Variants in VIPR2 observed in about 807,000 individuals in gnomAD.
The protein encoded by VIPR2 is vasoactive intestinal polypeptide receptor 2.
A neutral mutation model predicts 58.0 loss-of-function variants in VIPR2; 48 were observed. The observed-to-expected ratio is 0.83, with a 90% CI of 0.66 to 1.05. The LOEUF (loss-of-function observed/expected upper bound fraction) is 1.05. Among genes scored for constraint, VIPR2 ranks in the 50% least tolerant of loss-of-function variants. The pLI is 0.00. For synonymous variants in VIPR2, 243 were observed against 235.2 expected, an observed-to-expected ratio of 1.03 and a Z score of -0.30; for missense variants, 534 against 558.0, an observed-to-expected ratio of 0.96 and a Z score of 0.43.
At position 159,035,670 on chromosome 7, in the gene VIPR2, GC is replaced by G. The variant is rs568793679; in HGVS notation, c.809+281del. 24 of 983,824 alleles carry G rather than the reference GC, an allele frequency of 2.4e-5. No homozygotes were observed. The East Asian group carries it at 2.7e-3, about 112-fold the overall frequency. 60.9% of individuals were successfully genotyped at this position (983,824 alleles called of 1,614,324 possible). A position where few individuals can be genotyped will look rare whatever the true frequency, so the allele number is the denominator to read the frequency against. On this transcript the variant is annotated intron_variant, in intron 8 of 12. Transcript: ENST00000262178. ...GGCTTTCTTCTGTGGACATCGCTGT[GC>G]CCACCGCAGGGGCTGCCCCAGTCTC...
intron 10 of VIPR2, among the ~76,000 whole-genome samples, chr7:159,032,502 G>A (rs369134048): frequency 2.6e-5 from 4 of 152,294 alleles, no homozygotes; most frequent in African/African-American, 4.8e-5. Flanking sequence ...TCCTGCTCCC[G>A]GACCTGCAGC....
At position 159,113,316 on chromosome 7, in the gene VIPR2, C is replaced by T. The variant is rs564842431; in HGVS notation, c.152-3397G>A. Among the ~76,000 whole-genome samples the T allele has an allele frequency of 2.0e-4, 31 of 152,288 alleles. No individual in the cohort carries two copies. In the East Asian group the frequency reaches 5.8e-3, roughly 28 times the overall value. ...TCTGTTCTGTTTCACTCTGACCACC[C>T]GTGCATGCAGCCCCTGTCACATACC... On this transcript the variant is annotated intron_variant, in intron 2 of 12. Transcript: ENST00000262178.
At chr7:159,101,427 G>A (rs796326301) in intron 4 of VIPR2, among the ~76,000 whole-genome samples, 7 of 135,906 alleles carry the variant, frequency 5.2e-5, no homozygotes, top group South Asian at 5.0e-4. Flanking sequence ...CACGAGATCC[G>A]ACGAGGCGGT....
chr7:159,067,207 G>A (rs781683782), intron 4 of VIPR2, among the ~76,000 whole-genome samples: 1 of 152,160 alleles, frequency 6.6e-6, no homozygotes, highest in African/African-American at 2.4e-5. Flanking sequence ...TCACCCACAC[G>A]AGCACCTTCC....
At chr7:159,063,774 T>A (rs1380557973) in intron 4 of VIPR2, among the ~76,000 whole-genome samples, 25 of 80,444 alleles carry the variant, frequency 3.1e-4, no homozygotes, top group African/African-American at 1.4e-3. Context: ...GGTCTGGGAG[T>A]CCAGGTGGGG....
rs752164033 is a variant in VIPR2, at chr7:159,058,465, A to AT, written c.455+15_455+16insA. On this transcript the variant is annotated intron_variant, in intron 5 of 12. Transcript: ENST00000262178. The stretch of plus-strand genomic sequence containing the variant: ...GTCTTGTATTCTTTGCAGAATTACT[A>AT]ATTTCTGCTCCTTACCTGAAGAGGC... 67 of 1,601,780 alleles carry AT rather than the reference A, an allele frequency of 4.2e-5. No individual in the cohort carries two copies. The African/African-American group carries it at 8.3e-4, about 20-fold the overall frequency.
At chr7:159,047,976 A>G (rs1326732465) in intron 5 of VIPR2, among the ~76,000 whole-genome samples, 1 of 152,198 alleles carries the variant, frequency 6.6e-6, no homozygotes, top group Admixed American at 6.5e-5. Context: ...AAGAAAGGAG[A>G]GCTTATTTGT....
chr7:159,122,059 C>CA (rs1796473136), intron 2 of VIPR2, among the ~76,000 whole-genome samples: 1 of 152,196 alleles, frequency 6.6e-6, no homozygotes, highest in Non-Finnish European at 1.5e-5. Context: ...GGTGATTCTC[C>CA]AGCCCCGCTT....
At chr7:159,137,554 T>A (rs960411079) in intron 2 of VIPR2, among the ~76,000 whole-genome samples, 5 of 152,080 alleles carry the variant, frequency 3.3e-5, no homozygotes, top group Non-Finnish European at 5.9e-5. Context: ...GTTAAAAAGT[T>A]TTTTTGGTGT....
intron 7 of VIPR2, 29 bp downstream of exon 7, chr7:159,036,723 G>T (rs769701404): frequency 6.3e-7 from 1 of 1,599,986 alleles, no homozygotes; most frequent in Non-Finnish European, 8.5e-7. Context: ...TGGGATGGAG[G>T]GTTTGTGGGT....
intron 4 of VIPR2, among the ~76,000 whole-genome samples, chr7:159,094,867 T>C (rs1857738853): frequency 1.3e-5 from 2 of 152,200 alleles, no homozygotes; most frequent in Non-Finnish European, 2.9e-5. Context: ...TTTATCCCAT[T>C]GAGACCTAGT....
chr7:159,112,145 A>T (rs377241492), intron 2 of VIPR2, among the ~76,000 whole-genome samples: 13 of 152,396 alleles, frequency 8.5e-5, no homozygotes, highest in Non-Finnish European at 1.2e-4. Context: ...TTCATACCAC[A>T]TCAAACAGTC....
intron 5 of VIPR2, among the ~76,000 whole-genome samples, chr7:159,058,046 C>G (rs1196973950): frequency 6.6e-6 from 1 of 152,182 alleles, no homozygotes; most frequent in Non-Finnish European, 1.5e-5. Flanking sequence ...GTACTTTGTC[C>G]AAGGTCACAC....
rs895138422 is a variant in VIPR2, at chr7:159,128,214, G to A, written c.151+14232C>T. ...CAGCTGTGCCCAGGGTCCACAGAAC[G>A]GCCGGCCATGGTGTGGAACAGCTGC... On this transcript the variant is annotated intron_variant, in intron 2 of 12. Transcript: ENST00000262178. The surrounding 1 kb of genome is among the most constrained non-coding windows in gnomAD (Gnocchi z 4.1). Among the ~76,000 whole-genome samples, 3 of 152,086 alleles carry A rather than the reference G, an allele frequency of 2.0e-5. No individual in the cohort carries two copies. The highest frequency in any genetic ancestry group is 4.4e-5 in the Non-Finnish European group (3 of 68,016).
chr7:159,141,145 T>C lies in VIPR2; in HGVS notation c.151+1301A>G, dbSNP rs149382402. 7.8e-3 allele frequency among the ~76,000 whole-genome samples: 1,192 copies of C among 152,358 alleles called. 7 individuals are homozygous for C. The highest frequency in any genetic ancestry group is 0.034 in the Middle Eastern group (10 of 294). On this transcript the variant is annotated intron_variant, in intron 2 of 12. Transcript: ENST00000262178. ...GAAGGACCTCCCATGGCCACGCTGC[T>C]GCTTCTGCCGTGGCAGACTGGCTGC...
chr7:159,083,839 T>C lies in VIPR2; in HGVS notation c.357+19918A>G, dbSNP rs796681032. Among the ~76,000 whole-genome samples, 61 of 152,308 alleles carry C rather than the reference T, an allele frequency of 4.0e-4. 1 individual carries two copies. The highest frequency in any genetic ancestry group is 1.1e-3 in the Admixed American group (17 of 15,304). Reference sequence around the variant, plus strand: ...CCCTAACTGCAGGCCTCAGGCAAACTTGAAGCAAGCTTTGGGCTAGGCCAG... The same window carrying C: ...CCCTAACTGCAGGCCTCAGGCAAACCTGAAGCAAGCTTTGGGCTAGGCCAG... On this transcript the variant is annotated intron_variant, in intron 4 of 12. Coordinates refer to ENST00000262178, the MANE Select transcript of VIPR2 (RefSeq NM_003382.5).
chr7:159,056,862 G>A (rs553999671), intron 5 of VIPR2, among the ~76,000 whole-genome samples: 8 of 152,204 alleles, frequency 5.3e-5, no homozygotes, highest in East Asian at 3.8e-4. Context: ...GACGTGGGAT[G>A]AGCCCCAAGC....
At position 159,031,758 on chromosome 7, in the gene VIPR2, A is replaced by C; in HGVS notation, c.1143+70T>G. 6.2e-7 allele frequency: 1 copy of C among 1,611,650 alleles called. No homozygotes were observed. Among genetic ancestry groups the C allele is most frequent in the East Asian group, 2.2e-5 (1 of 44,856 alleles). On this transcript the variant is annotated intron_variant, in intron 12 of 12. Coordinates refer to ENST00000262178, the MANE Select transcript of VIPR2 (RefSeq NM_003382.5). This position sits in a 1 kb window ranked among gnomAD's most constrained non-coding sequence, Gnocchi z 4.0. ...GACAGGCATGTGTGGGGGCTGCGGC[A>C]CCAGGCTGGGCAGCATCTCAGGAAG... is the stretch of plus-strand genomic sequence containing the variant.
At chr7:159,049,285 C>T (rs770707071) in intron 5 of VIPR2, among the ~76,000 whole-genome samples, 5 of 151,788 alleles carry the variant, frequency 3.3e-5, no homozygotes, top group Non-Finnish European at 5.9e-5. Flanking sequence ...AGGACCTCCA[C>T]TTGTGGCCGT....
Sources: gnomAD v4.1 joint callset for allele counts (sites outside exome capture counted in the v4.1 genomes callset) on GRCh38, gnomAD v4.1.1 for gene constraint, Gnocchi (gnomAD v3.1) non-coding constraint, MANE v1.5 for transcripts, NCBI Gene and HGNC (gene_info 2026-07-23, HGNC 2026-07-21) for gene names.